PAPPA: variants seen among roughly 807,000 people sequenced by gnomAD.
PAPPA encodes pappalysin 1, also known as pappalysin-1.
Under a neutral mutation model 164.0 loss-of-function variants are expected in PAPPA, and 60 were observed. The observed-to-expected ratio is 0.37, with a 90% CI of 0.30 to 0.45. The LOEUF (loss-of-function observed/expected upper bound fraction) is 0.45. Among genes scored for constraint, PAPPA ranks in the 20% least tolerant of loss-of-function variants. The probability of loss-of-function intolerance (pLI) is 1.00; values close to 1 mark genes in which losing one functional copy is unlikely to be tolerated. For synonymous variants in PAPPA, 875 were observed against 814.1 expected, an observed-to-expected ratio of 1.07 and a Z score of -1.27; for missense variants, 1,782 against 2,087.3, an observed-to-expected ratio of 0.85 and a Z score of 2.85.
In PAPPA at chr9:116,400,819, C is replaced by T. The variant is rs1847041576; in HGVS notation, c.*4203C>T. The T allele has an allele frequency of 6.6e-6, 1 of 152,588 alleles. No homozygotes were observed. Among genetic ancestry groups the T allele is most frequent in the African/African-American group, 2.4e-5 (1 of 41,434 alleles). 9.5% of individuals were successfully genotyped at this position (152,588 alleles called of 1,614,324 possible). ...AAAGAGAAATTATGTCCCTGTTGTA[C>T]AGAAGTTAGAATTTTTGACTCCAGG... is the stretch of plus-strand genomic sequence containing the variant. On this transcript the variant is annotated 3_prime_UTR_variant, in exon 22 of 22. Transcript: ENST00000328252.
chr9:116,336,587 C>A (rs549938108), intron 13 of PAPPA, among the ~76,000 whole-genome samples: 1 of 152,308 alleles, frequency 6.6e-6, no homozygotes, highest in South Asian at 2.1e-4. Flanking sequence ...TTGACTGAGG[C>A]CCAGACTGAC....
At chr9:116,220,237 C>A in intron 5 of PAPPA, 108 bp downstream of exon 5, 1 of 854,398 alleles carries the variant, frequency 1.2e-6, no homozygotes, top group Non-Finnish European at 1.8e-6. Flanking sequence ...ATTTCTTGTT[C>A]TTGTTCAAAA....
intron 9 of PAPPA, among the ~76,000 whole-genome samples, chr9:116,300,109 G>T (rs900950690): frequency 6.6e-6 from 1 of 151,976 alleles, no homozygotes; most frequent in Non-Finnish European, 1.5e-5. Flanking sequence ...ATGTAGAGTG[G>T]CCACATTCAC....
intron 10 of PAPPA, among the ~76,000 whole-genome samples, chr9:116,308,767 G>T (rs1283144920): frequency 1.3e-5 from 2 of 152,204 alleles, no homozygotes; most frequent in Non-Finnish European, 2.9e-5. Flanking sequence ...CTGCTGCTAA[G>T]ATCTCCATCT....
Position 116,344,647 on chromosome 9 carries a change from C to T in PAPPA, c.3716C>T (p.Thr1239Ile), listed in dbSNP as rs761370848. 1.9e-6 allele frequency: 3 copies of T among 1,614,196 alleles called. No individual in the cohort carries two copies. The South Asian group carries it at 3.3e-5, about 18-fold the overall frequency. Residue 1239 changes from threonine (T) to isoleucine (I), a missense_variant, in exon 14 of 22, where the codon ACT becomes ATT. Thr to Ile is a moderately conservative substitution (Grantham distance 89). This residue lies in a region of PAPPA where 1,324 missense variants were observed against 1,656.9 expected (regional missense o/e 0.80). Coordinates refer to ENST00000328252, the MANE Select transcript of PAPPA (RefSeq NM_002581.5). ...GACCGCTACCACGGTGCCCAGTGTA[C>T]TGTGAGCTGCCGGACAGGCTACGTG... ...SSDRYHGAQC[T>I]VSCRTGYVLQ...
intron 13 of PAPPA, among the ~76,000 whole-genome samples, chr9:116,341,695 C>T (rs913965431): frequency 6.6e-6 from 1 of 152,228 alleles, no homozygotes; most frequent in African/African-American, 2.4e-5. Context: ...CCCCTCCGTC[C>T]ACTATATTCC....
intron 7 of PAPPA, among the ~76,000 whole-genome samples, chr9:116,237,058 C>G (rs1427834665): frequency 6.6e-6 from 1 of 152,218 alleles, no homozygotes; most frequent in Non-Finnish European, 1.5e-5. Context: ...AAGACAATCT[C>G]TGCTCTGTCT....
At chr9:116,380,934 C>T (rs1445624681) in intron 20 of PAPPA, among the ~76,000 whole-genome samples, 3 of 152,230 alleles carry the variant, frequency 2.0e-5, no homozygotes, top group Admixed American at 6.5e-5. Context: ...CACTGGATCA[C>T]AGATGGCATG....
chr9:116,257,614 A>G (rs900640360), intron 7 of PAPPA, among the ~76,000 whole-genome samples: 22 of 152,100 alleles, frequency 1.4e-4, no homozygotes, highest in African/African-American at 5.1e-4. Context: ...AGGCAGGAGA[A>G]TGGCGTGAAC....
chr9:116,320,391 A>G (rs1326112971), intron 10 of PAPPA, among the ~76,000 whole-genome samples: 1 of 152,174 alleles, frequency 6.6e-6, no homozygotes, highest in African/African-American at 2.4e-5. Context: ...ATGCCAAGTT[A>G]TCTTATCAGA....
intron 2 of PAPPA, among the ~76,000 whole-genome samples, chr9:116,199,847 C>A (rs1437485754): frequency 2.6e-5 from 4 of 151,950 alleles, no homozygotes; most frequent in African/African-American, 9.7e-5. Context: ...GGAAGAGGAG[C>A]CAGCATATGC....
rs148374515 is a variant in PAPPA at position 116,302,662 on chromosome 9, G to A, written c.2954-95G>A. 112 of 938,098 alleles carry A rather than the reference G, an allele frequency of 1.2e-4. No homozygotes were observed. The African/African-American group carries it at 1.6e-3, about 13-fold the overall frequency. 58.1% of individuals were successfully genotyped at this position (938,098 alleles called of 1,614,324 possible). On this transcript the variant is annotated intron_variant, in intron 9 of 21. Coordinates refer to ENST00000328252, the MANE Select transcript of PAPPA (RefSeq NM_002581.5). ...TGTGATGGGCTTGACAGTACCAATG[G>A]TTTTGGTGGTCTGACTCTGCAGCTG...
chr9:116,257,123 G>A (rs913850682), intron 7 of PAPPA, among the ~76,000 whole-genome samples: 1 of 151,854 alleles, frequency 6.6e-6, no homozygotes, highest in Non-Finnish European at 1.5e-5. Flanking sequence ...TTTGCCAACA[G>A]AATTCAGCAA....
At chr9:116,376,074 G>A (rs1007980658) in intron 19 of PAPPA, among the ~76,000 whole-genome samples, 5 of 145,772 alleles carry the variant, frequency 3.4e-5, no homozygotes, top group African/African-American at 1.3e-4. Flanking sequence ...AGGCTAGAGT[G>A]CAGTGGTATG....
intron 18 of PAPPA, among the ~76,000 whole-genome samples, chr9:116,365,547 A>C (rs7042877): frequency 0.99 from 143,831 of 144,618 alleles, 71,526 homozygotes; most frequent in Middle Eastern, 1. Context: ...CTGTTTTGAC[A>C]ACCGTTTTTT....
intron 1 of PAPPA, among the ~76,000 whole-genome samples, chr9:116,166,506 T>A (rs1030801730): frequency 6.6e-6 from 1 of 152,236 alleles, no homozygotes; most frequent in African/African-American, 2.4e-5. Flanking sequence ...TGGGGCTTTC[T>A]ATCTGCTTTC....
chr9:116,401,860 A>G lies in PAPPA; in HGVS notation c.*5244A>G, dbSNP rs914221138. ...TCTGGCCTATTGTAAAAAAGAAAAA[A>G]AAAAAGAAAAAGAAGAAAGACACAA... On this transcript the variant is annotated 3_prime_UTR_variant, in exon 22 of 22. Coordinates refer to ENST00000328252, the MANE Select transcript of PAPPA (RefSeq NM_002581.5). 5 of 151,144 alleles carry G rather than the reference A, an allele frequency of 3.3e-5. No individual in the cohort carries two copies. The highest frequency in any genetic ancestry group is 5.9e-5 in the Non-Finnish European group (4 of 67,690). 9.4% of individuals were successfully genotyped at this position (151,144 alleles called of 1,614,324 possible). A position where few individuals can be genotyped will look rare whatever the true frequency, so the allele number is the denominator to read the frequency against.
Position 116,344,708 on chromosome 9 carries a change from C to T in PAPPA, c.3777C>T (p.Ser1259=). The T allele has an allele frequency of 6.2e-7, 1 of 1,613,252 alleles. No homozygotes were observed. Among genetic ancestry groups the T allele is most frequent in the South Asian group, 1.1e-5 (1 of 91,030 alleles). ...GGCGGGATGATGAGCTGATCAAGAGCCAGGTATGTGCAGGTGCTGAGCTCA... is the reference window on the plus strand; with the variant it reads ...GGCGGGATGATGAGCTGATCAAGAGTCAGGTATGTGCAGGTGCTGAGCTCA... ...QIRRDDELIK[S]QTGPSVTVTC... Residue 1259 remains serine (S), a synonymous_variant, in exon 14 of 22, where the codon AGC becomes AGT. Transcript: ENST00000328252.
At chr9:116,205,019 A>G (rs1247172064) in intron 2 of PAPPA, among the ~76,000 whole-genome samples, 9 of 151,694 alleles carry the variant, frequency 5.9e-5, no homozygotes. Context: ...ATTAGTGGGA[A>G]TACCTCGGGC....
Sources: gnomAD v4.1 joint callset for allele counts (sites outside exome capture counted in the v4.1 genomes callset) on GRCh38, gnomAD v4.1.1 for gene constraint, gnomAD v4.1.1 regional missense constraint, MANE v1.5 for transcripts, NCBI Gene and HGNC (gene_info 2026-07-23, HGNC 2026-07-21) for gene names.